The following TMEM181 variants were observed in gnomAD, a reference collection of about 807,000 sequenced individuals.
The protein encoded by TMEM181 is G protein-coupled receptor 178.
TMEM181 carries 39 observed loss-of-function variants against 71.9 expected under a neutral mutation model. That is an observed-to-expected ratio of 0.54 (90% CI 0.42 to 0.71). The LOEUF (loss-of-function observed/expected upper bound fraction) is 0.71, where lower values mean the gene tolerates loss of function less well. TMEM181 is among the 30% of genes least tolerant of loss of function. TMEM181 has a pLI of 0.00. For synonymous variants in TMEM181, 245 were observed against 228.8 expected (o/e 1.07, Z -0.64); for missense variants, 595 against 583.0 (o/e 1.02, Z -0.21).
At chr6:158,567,826 C>T (rs577655418) in intron 1 of TMEM181, among the ~76,000 whole-genome samples, 8 of 152,106 alleles carry the variant, frequency 5.3e-5, no homozygotes, top group African/African-American at 1.4e-4. Context: ...GCTGTGATGA[C>T]GGAGGGAGTG....
At chr6:158,546,369 G>A (rs1370302399) in intron 1 of TMEM181, among the ~76,000 whole-genome samples, 4 of 152,160 alleles carry the variant, frequency 2.6e-5, no homozygotes, top group East Asian at 1.9e-4. Flanking sequence ...ATAAAGATAT[G>A]GCACTACAGC....
At position 158,633,528 on chromosome 6, in the gene TMEM181, T is replaced by C. The variant is rs1786775812; in HGVS notation, c.*1640T>C. On this transcript the variant is annotated 3_prime_UTR_variant, in exon 17 of 17. Coordinates refer to ENST00000684151, the MANE Select transcript of TMEM181 (RefSeq NM_001376852.1). ...CAACGCAAGCAGTACCTACTTTTTTTCTTCATCTATGCATTGACTCTCAGA... is the reference window on the plus strand; with the variant it reads ...CAACGCAAGCAGTACCTACTTTTTTCCTTCATCTATGCATTGACTCTCAGA... 6.6e-6 allele frequency: 1 copy of C among 152,218 alleles called. No homozygotes were observed. Among genetic ancestry groups the C allele is most frequent in the Non-Finnish European group, 1.5e-5 (1 of 68,036 alleles). 9.4% of individuals were successfully genotyped at this position (152,218 alleles called of 1,614,324 possible). A position where few individuals can be genotyped will look rare whatever the true frequency, so the allele number is the denominator to read the frequency against.
chr6:158,599,051 G>T (rs989900301), intron 6 of TMEM181, among the ~76,000 whole-genome samples: 2 of 152,286 alleles, frequency 1.3e-5, no homozygotes, highest in South Asian at 2.1e-4. Context: ...TGCACAGGTC[G>T]CTGTGACACG....
At chr6:158,563,408 T>C (rs1156286704) in intron 1 of TMEM181, among the ~76,000 whole-genome samples, 1 of 152,050 alleles carries the variant, frequency 6.6e-6, no homozygotes, top group African/African-American at 2.4e-5. Flanking sequence ...CCTCCCAAAG[T>C]GCTGGGACTA....
In TMEM181 at chr6:158,573,403, C is replaced by G; in HGVS notation, c.9-17C>G. On this transcript the variant is annotated splice_polypyrimidine_tract_variant and intron_variant, in intron 1 of 16. Transcript: ENST00000684151. ...GCCTTCCCCTGACCGTCCCTCACTG[C>G]TGGCTTCTGCCCCCAGGCTGGCGCC... 1 of 1,565,510 alleles carries G rather than the reference C, an allele frequency of 6.4e-7. No homozygotes were observed. The highest frequency in any genetic ancestry group is 1.2e-5 in the South Asian group (1 of 85,218).
At chr6:158,588,402 C>G (rs146851025) in intron 5 of TMEM181, among the ~76,000 whole-genome samples, 1 of 152,314 alleles carries the variant, frequency 6.6e-6, no homozygotes, top group East Asian at 1.9e-4. Flanking sequence ...GTTAACCCCA[C>G]TCCTTGTCCG....
chr6:158,548,642 C>T (rs536282733), intron 1 of TMEM181, among the ~76,000 whole-genome samples: 100 of 152,254 alleles, frequency 6.6e-4, no homozygotes, highest in Non-Finnish European at 1.2e-3. Context: ...ATTCTCTAAA[C>T]AATGAGGAAA....
chr6:158,581,613 G>T (rs112247410), intron 3 of TMEM181, among the ~76,000 whole-genome samples: 3 of 151,816 alleles, frequency 2.0e-5, no homozygotes, highest in East Asian at 1.9e-4. Context: ...AATTAGCTGG[G>T]CGTGGTGGGG....
At chr6:158,572,539 G>A (rs536553613) in intron 1 of TMEM181, 1 of 455,092 alleles carries the variant, frequency 2.2e-6, no homozygotes, top group South Asian at 1.6e-5. Flanking sequence ...GTTTGACTGG[G>A]ACACAGCCAT....
At chr6:158,615,439 G>A (rs1785560969) in intron 10 of TMEM181, among the ~76,000 whole-genome samples, 1 of 152,182 alleles carries the variant, frequency 6.6e-6, no homozygotes, top group Non-Finnish European at 1.5e-5. Flanking sequence ...TAGGTTGCCT[G>A]TTCACTCTGA....
intron 10 of TMEM181, among the ~76,000 whole-genome samples, chr6:158,614,946 A>G (rs1233828220): frequency 6.6e-6 from 1 of 152,208 alleles, no homozygotes; most frequent in East Asian, 1.9e-4. Flanking sequence ...TGCAATAAAC[A>G]TACGTGTGCA....
chr6:158,624,869 C>T (rs1786181609), intron 11 of TMEM181, among the ~76,000 whole-genome samples: 1 of 152,218 alleles, frequency 6.6e-6, no homozygotes, highest in African/African-American at 2.4e-5. Context: ...GGTTTGGGCT[C>T]TGCTCCGCTG....
intron 4 of TMEM181, among the ~76,000 whole-genome samples, chr6:158,584,796 G>A (rs376095435): frequency 6.6e-6 from 1 of 152,034 alleles, no homozygotes; most frequent in Admixed American, 6.5e-5. Context: ...ATATTACTAC[G>A]TATTTGTCTA....
At chr6:158,626,451 G>A (rs1786280302) in intron 13 of TMEM181, 1 of 456,572 alleles carries the variant, frequency 2.2e-6, no homozygotes, top group Admixed American at 2.3e-5. Flanking sequence ...TGGCAAATAA[G>A]CGGATGTTGG....
chr6:158,581,679 CG>C (rs1783486561), intron 3 of TMEM181, among the ~76,000 whole-genome samples: 2 of 131,000 alleles, frequency 1.5e-5, no homozygotes, highest in Admixed American at 9.5e-5. Flanking sequence ...GGTGTGAACC[CG>C]GGCGGGGGAG....
chr6:158,540,201 T>C (rs1265043729), intron 1 of TMEM181, among the ~76,000 whole-genome samples: 1 of 151,508 alleles, frequency 6.6e-6, no homozygotes, highest in African/African-American at 2.4e-5. Context: ...AGAAAACTCC[T>C]TGAATCTCCG....
chr6:158,574,723 G>A (rs1054736031), intron 2 of TMEM181, among the ~76,000 whole-genome samples: 13 of 152,090 alleles, frequency 8.5e-5, no homozygotes, highest in Non-Finnish European at 1.8e-4. Context: ...GAATCAATAC[G>A]AAATATCTAC....
intron 1 of TMEM181, among the ~76,000 whole-genome samples, chr6:158,537,252 C>T (rs1186211859): frequency 6.6e-6 from 1 of 152,084 alleles, no homozygotes; most frequent in Non-Finnish European, 1.5e-5. Context: ...TCGGGCCTCA[C>T]GCGGCGCAGT....
At chr6:158,631,249 C>G (rs1386978031) in intron 15 of TMEM181, 74 bp from the exon 16 acceptor site, 90 of 1,504,006 alleles carry the variant, frequency 6.0e-5, no homozygotes, top group Non-Finnish European at 7.9e-5. Context: ...CTTCCTTTGT[C>G]CGGGACAGCA....
Sources: allele counts gnomAD v4.1 joint callset (sites outside exome capture counted in the v4.1 genomes callset), GRCh38; gene constraint gnomAD v4.1.1; transcripts MANE v1.5; gene names NCBI Gene and HGNC (gene_info 2026-07-23, HGNC 2026-07-21).